Variants in GRB10 observed in about 807,000 individuals in gnomAD.
GRB10 encodes growth factor receptor bound protein 10, also known as growth factor receptor-bound protein 10.
A neutral mutation model predicts 80.9 loss-of-function variants in GRB10; 20 were observed. The ratio of observed to expected loss-of-function variants is 0.25; its 90% CI spans 0.17 to 0.36. The LOEUF (loss-of-function observed/expected upper bound fraction) is 0.36, where lower values mean the gene tolerates loss of function less well. GRB10 is among the 10% of genes least tolerant of loss of function. The pLI is 1.00. For missense variants in GRB10, 548 were observed against 747.7 expected (o/e 0.73, Z 3.12); for synonymous variants, 291 against 291.5 (o/e 1.00, Z 0.02).
intron 4 of GRB10, among the ~76,000 whole-genome samples, chr7:50,710,573 G>A (rs936109781): frequency 1.8e-4 from 28 of 152,146 alleles, no homozygotes; most frequent in Admixed American, 1.4e-3. Flanking sequence ...TGCAACACAC[G>A]GATGGAGGGG....
chr7:50,792,416 CGCACACAATAAAAAGTAAAG>C (rs2078963868), intron 1 of GRB10: 3 of 398,446 alleles, frequency 7.5e-6, no homozygotes, highest in Non-Finnish European at 1.3e-5. Flanking sequence ...CAAGAAAAGA[CGCACACAATAAAAAGTAAAG>C]GATACCCTAA....
chr7:50,616,723 A>C (rs1043850196), intron 10 of GRB10, among the ~76,000 whole-genome samples: 1 of 151,914 alleles, frequency 6.6e-6, no homozygotes, highest in African/African-American at 2.4e-5. Flanking sequence ...TTACCCAGGC[A>C]CCCCTCCAGT....
chr7:50,594,745 T>A (rs929278711), intron 18 of GRB10, among the ~76,000 whole-genome samples: 6 of 152,248 alleles, frequency 3.9e-5, no homozygotes, highest in Non-Finnish European at 7.3e-5. Flanking sequence ...AACTGTGGCA[T>A]ACTGAAGTGA....
intron 4 of GRB10, among the ~76,000 whole-genome samples, chr7:50,714,606 T>C (rs944494866): frequency 2.0e-5 from 3 of 151,452 alleles, no homozygotes; most frequent in Admixed American, 6.6e-5. Context: ...GAGCTTGCAG[T>C]GAGCCGAGAT....
chr7:50,786,468 T>C (rs895894630), upstream of GRB10, among the ~76,000 whole-genome samples: 2 of 152,192 alleles, frequency 1.3e-5, no homozygotes, highest in African/African-American at 4.8e-5. Flanking sequence ...ATCCTACAAG[T>C]GTCCAGACAT....
At chr7:50,615,624 T>C (rs761891189) in intron 11 of GRB10, among the ~76,000 whole-genome samples, 3 of 152,174 alleles carry the variant, frequency 2.0e-5, no homozygotes, top group Non-Finnish European at 4.4e-5. Context: ...AGATGGTAAG[T>C]GCTCAGCCAG....
intron 5 of GRB10, among the ~76,000 whole-genome samples, chr7:50,687,141 G>A (rs1485019935): frequency 6.6e-6 from 1 of 152,198 alleles, no homozygotes; most frequent in Admixed American, 6.5e-5. Context: ...AAACTCTCTG[G>A]AGGCTGCTGT....
At chr7:50,774,238 A>G (rs1181492090) in intron 2 of GRB10, among the ~76,000 whole-genome samples, 1 of 152,190 alleles carries the variant, frequency 6.6e-6, no homozygotes, top group Admixed American at 6.5e-5. Flanking sequence ...TATGATAGCT[A>G]AAGGGTGCAG....
intron 5 of GRB10, among the ~76,000 whole-genome samples, chr7:50,698,288 T>C (rs557598265): frequency 3.3e-5 from 5 of 152,326 alleles, no homozygotes; most frequent in African/African-American, 1.2e-4. Context: ...ATGTTAAATA[T>C]CATCTGTAAC....
At chr7:50,669,904 C>T in intron 6 of GRB10, 41 bp from the exon 7 acceptor site, 1 of 1,573,864 alleles carries the variant, frequency 6.4e-7, no homozygotes, top group South Asian at 1.2e-5. Flanking sequence ...GCTGCCATTC[C>T]CCACATGACC....
rs529854197 is a variant in GRB10, at chr7:50,693,128, G to T, written c.139+10693C>A. Reference sequence around the variant, plus strand: ...AACTTACCCCCAGTCAAAGAGCATTGCTGGAAGAGACTAAAAGACAGAAAA... The same window carrying T: ...AACTTACCCCCAGTCAAAGAGCATTTCTGGAAGAGACTAAAAGACAGAAAA... On this transcript the variant is annotated intron_variant, in intron 5 of 18. Transcript: ENST00000401949. 2.0e-5 allele frequency among the ~76,000 whole-genome samples: 3 copies of T among 152,284 alleles called. No homozygotes were observed. The South Asian group carries it at 6.2e-4, about 32-fold the overall frequency.
chr7:50,745,880 T>C (rs972376651), intron 3 of GRB10, among the ~76,000 whole-genome samples: 7 of 152,330 alleles, frequency 4.6e-5, no homozygotes, highest in Admixed American at 3.9e-4. Flanking sequence ...TCACACTTTC[T>C]AGATGCTAAA....
intron 18 of GRB10, among the ~76,000 whole-genome samples, chr7:50,594,653 T>G (rs376834887): frequency 3.0e-4 from 45 of 152,326 alleles, no homozygotes; most frequent in African/African-American, 1.1e-3. Flanking sequence ...AAACAGCTGC[T>G]ATTAATTTTG....
At chr7:50,611,151 T>C (rs1585646029) in intron 13 of GRB10, among the ~76,000 whole-genome samples, 1 of 152,318 alleles carries the variant, frequency 6.6e-6, no homozygotes, top group East Asian at 1.9e-4. Flanking sequence ...TCTTCTCTCC[T>C]GCAGCTCACA....
chr7:50,721,665 C>T (rs570460107), intron 4 of GRB10, among the ~76,000 whole-genome samples: 75 of 152,216 alleles, frequency 4.9e-4, no homozygotes, highest in African/African-American at 1.8e-3. Context: ...GGGCTGGGGA[C>T]GGGGTCTCAC....
intron 5 of GRB10, among the ~76,000 whole-genome samples, chr7:50,685,233 AAC>A (rs1337028017): frequency 6.6e-6 from 1 of 152,380 alleles, no homozygotes; most frequent in East Asian, 1.9e-4. Flanking sequence ...ATGTTAACAA[AAC>A]AGAGACAAAT....
chr7:50,664,963 G>A (rs917235193), intron 7 of GRB10, among the ~76,000 whole-genome samples: 14 of 152,170 alleles, frequency 9.2e-5, no homozygotes, highest in Admixed American at 8.5e-4. Flanking sequence ...AAATTCTTAT[G>A]TATTTGTATT....
At chr7:50,766,944 C>T (rs1310829135) in intron 2 of GRB10, among the ~76,000 whole-genome samples, 2 of 152,158 alleles carry the variant, frequency 1.3e-5, no homozygotes, top group African/African-American at 2.4e-5. Context: ...ACAATGGAAA[C>T]AGAGGGTTCC....
chr7:50,631,966 C>T (rs2054082861), intron 7 of GRB10, among the ~76,000 whole-genome samples: 1 of 152,148 alleles, frequency 6.6e-6, no homozygotes, highest in Non-Finnish European at 1.5e-5. Context: ...CAGCGTGTAC[C>T]AGGTGGGCTC....
Sources: allele counts gnomAD v4.1 joint callset (sites outside exome capture counted in the v4.1 genomes callset), GRCh38; gene constraint gnomAD v4.1.1; transcripts MANE v1.5; gene names NCBI Gene and HGNC (gene_info 2026-07-23, HGNC 2026-07-21).